VPS41: variants seen among roughly 807,000 people sequenced by gnomAD.
The protein encoded by VPS41 is VPS41 subunit of HOPS complex, also known as vacuolar protein sorting-associated protein 41 homolog.
Under a neutral mutation model 130.9 loss-of-function variants are expected in VPS41, and 85 were observed. The observed-to-expected ratio is 0.65, with a 90% CI of 0.55 to 0.78. VPS41 has a LOEUF of 0.78. VPS41 is among the 30% of genes least tolerant of loss of function. The pLI is 0.00. For missense variants in VPS41, 874 were observed against 1,018.7 expected (o/e 0.86, Z 1.93); for synonymous variants, 335 against 332.9 (o/e 1.01, Z -0.07).
intron 10 of VPS41, among the ~76,000 whole-genome samples, chr7:38,788,314 G>A (rs1030973315): frequency 5.3e-5 from 8 of 152,128 alleles, no homozygotes; most frequent in Admixed American, 2.0e-4. Flanking sequence ...CATTTTTAAC[G>A]CTATAGTAGT....
intron 25 of VPS41, among the ~76,000 whole-genome samples, chr7:38,736,006 G>A (rs1400536521): frequency 3.3e-5 from 5 of 152,080 alleles, no homozygotes; most frequent in Non-Finnish European, 5.9e-5. Flanking sequence ...AGAAAAAACC[G>A]TGAAAAATAA....
At chr7:38,871,588 G>C (rs1162896345) in intron 2 of VPS41, among the ~76,000 whole-genome samples, 1 of 152,160 alleles carries the variant, frequency 6.6e-6, no homozygotes, top group Non-Finnish European at 1.5e-5. Flanking sequence ...GTGGGTAGAG[G>C]AGAAGCTAAA....
intron 17 of VPS41, among the ~76,000 whole-genome samples, chr7:38,760,686 C>T (rs1331070970): frequency 1.3e-5 from 2 of 152,006 alleles, no homozygotes; most frequent in Non-Finnish European, 2.9e-5. Context: ...TTTCTTTTCC[C>T]CAAGTATGTC....
At chr7:38,867,854 G>C (rs1180104814) in intron 3 of VPS41, among the ~76,000 whole-genome samples, 1 of 152,202 alleles carries the variant, frequency 6.6e-6, no homozygotes, top group Non-Finnish European at 1.5e-5. Context: ...GAGTATGGCT[G>C]AGGGGCACAA....
chr7:38,811,254 A>G (rs1784937216), intron 7 of VPS41, among the ~76,000 whole-genome samples: 1 of 152,152 alleles, frequency 6.6e-6, no homozygotes, highest in African/African-American at 2.4e-5. Context: ...TTACAAGTAC[A>G]TACCACACAA....
intron 4 of VPS41, among the ~76,000 whole-genome samples, chr7:38,837,516 T>G (rs887146452): frequency 1.3e-5 from 2 of 152,250 alleles, no homozygotes; most frequent in African/African-American, 4.8e-5. Flanking sequence ...TTCCTTTGGC[T>G]GATTTTTGAC....
At chr7:38,794,007 T>C (rs908521709) in intron 9 of VPS41, among the ~76,000 whole-genome samples, 1 of 152,198 alleles carries the variant, frequency 6.6e-6, no homozygotes, top group African/African-American at 2.4e-5. Flanking sequence ...GTTCTAGGAA[T>C]TAGGGCTTGC....
intron 2 of VPS41, among the ~76,000 whole-genome samples, chr7:38,882,309 C>T (rs1162848270): frequency 6.6e-6 from 1 of 152,186 alleles, no homozygotes. Flanking sequence ...CCACTCTCTC[C>T]TGGTTCTTTT....
At position 38,742,094 on chromosome 7, in the gene VPS41, A is replaced by G; in HGVS notation, c.2150T>C (p.Ile717Thr). Residue 717 changes from isoleucine (I) to threonine (T), a missense_variant, in exon 25 of 29, where the codon ATT (isoleucine) becomes ACT (threonine). Transcript: ENST00000310301. ...TAGAATTGGGTCAACATGTGTGCCA[A>G]TGTTGTTTAACAAGCCAGTAATAAA... ...PPFITGLLNN[I>T]GTHVDPILLI... 2 of 1,611,296 alleles carry G rather than the reference A, an allele frequency of 1.2e-6. No individual in the cohort carries two copies. The highest frequency in any genetic ancestry group is 1.7e-6 in the Non-Finnish European group (2 of 1,179,386).
chr7:38,848,230 G>A (rs942645568), intron 4 of VPS41, among the ~76,000 whole-genome samples: 1 of 152,154 alleles, frequency 6.6e-6, no homozygotes, highest in African/African-American at 2.4e-5. Flanking sequence ...CACTGGGATC[G>A]ACTTCACACA....
At chr7:38,833,349 C>T (rs1785430924) in intron 4 of VPS41, among the ~76,000 whole-genome samples, 1 of 152,156 alleles carries the variant, frequency 6.6e-6, no homozygotes, top group Non-Finnish European at 1.5e-5. Context: ...TAAAACCCTC[C>T]AATGGCCTCC....
At chr7:38,765,879 T>C in intron 15 of VPS41, 1 of 414,140 alleles carries the variant, frequency 2.4e-6, no homozygotes, top group Non-Finnish European at 4.2e-6. Flanking sequence ...AAAGTTAATA[T>C]AAAATGCTTA....
intron 4 of VPS41, among the ~76,000 whole-genome samples, chr7:38,856,605 G>C (rs1325601214): frequency 6.6e-6 from 1 of 152,106 alleles, no homozygotes. Context: ...CGGCAGCAGA[G>C]AAAAGAGAAA....
At chr7:38,817,904 A>G (rs1402848773) in intron 6 of VPS41, 22 bp from the exon 7 acceptor site, 31 of 1,608,252 alleles carry the variant, frequency 1.9e-5, no homozygotes, top group Non-Finnish European at 2.6e-5. Context: ...ACAGAACCCA[A>G]CTCTGGTTTA....
chr7:38,896,573 T>C (rs1005191832), intron 2 of VPS41, among the ~76,000 whole-genome samples: 1 of 152,234 alleles, frequency 6.6e-6, no homozygotes, highest in Admixed American at 6.5e-5. Flanking sequence ...GCTCATCAGC[T>C]ATTGTTAGTG....
chr7:38,724,125 C>T lies in VPS41; in HGVS notation c.*2121G>A, dbSNP rs890615046. The T allele has an allele frequency of 4.6e-5, 7 of 152,140 alleles. No homozygotes were observed. Among genetic ancestry groups the T allele is most frequent in the Non-Finnish European group, 8.8e-5 (6 of 68,022 alleles). The allele number at this position is 152,140 out of a possible 1,614,324, so 9.4% of individuals were successfully genotyped here. A position where few individuals can be genotyped will look rare whatever the true frequency, so the allele number is the denominator to read the frequency against. On this transcript the variant is annotated 3_prime_UTR_variant, in exon 29 of 29. Coordinates refer to ENST00000310301, the MANE Select transcript of VPS41 (RefSeq NM_014396.4). The stretch of plus-strand genomic sequence containing the variant: ...TAAATCAGTTACTTAAAAATGAAGA[C>T]TGTTTAATTATTTTCTCCTTTTCTA...
intron 2 of VPS41, among the ~76,000 whole-genome samples, chr7:38,871,241 C>T (rs910095137): frequency 2.6e-5 from 4 of 152,102 alleles, no homozygotes; most frequent in Non-Finnish European, 4.4e-5. Context: ...AAAAGAAAAA[C>T]GACTTGTAGA....
At chr7:38,864,743 G>A (rs1369629254) in intron 3 of VPS41, among the ~76,000 whole-genome samples, 3 of 150,644 alleles carry the variant, frequency 2.0e-5, no homozygotes, top group Non-Finnish European at 4.4e-5. Flanking sequence ...TTGAACTTTT[G>A]TAATTATTGA....
intron 4 of VPS41, among the ~76,000 whole-genome samples, chr7:38,845,179 C>G (rs1398914154): frequency 6.6e-6 from 1 of 152,136 alleles, no homozygotes; most frequent in Admixed American, 6.5e-5. Flanking sequence ...AAGCCTGGCT[C>G]GCACACAGCA....
Sources: allele counts gnomAD v4.1 joint callset (sites outside exome capture counted in the v4.1 genomes callset), GRCh38; gene constraint gnomAD v4.1.1; transcripts MANE v1.5; gene names NCBI Gene and HGNC (gene_info 2026-07-23, HGNC 2026-07-21).